The following CHN2 variants were observed in gnomAD, a reference collection of about 807,000 sequenced individuals.
CHN2 encodes beta-chimaerin.
A neutral mutation model predicts 56.3 loss-of-function variants in CHN2; 35 were observed. That is an observed-to-expected ratio of 0.62 (90% CI 0.47 to 0.82). The LOEUF (loss-of-function observed/expected upper bound fraction) is 0.82. CHN2 is among the 40% of genes least tolerant of loss of function. The pLI, the probability that CHN2 is intolerant of heterozygous loss-of-function variation, is 0.00. For missense variants in CHN2, 491 were observed against 580.5 expected (o/e 0.85, Z 1.58); for synonymous variants, 210 against 212.8 (o/e 0.99, Z 0.12).
intron 1 of CHN2, among the ~76,000 whole-genome samples, chr7:29,343,549 G>T (rs142907397): frequency 1.6e-3 from 243 of 152,222 alleles, no homozygotes; most frequent in African/African-American, 5.6e-3. Flanking sequence ...CCCCCATGTT[G>T]CTGCAGCAAC....
chr7:29,276,713 C>T (rs1791247947), intron 1 of CHN2, among the ~76,000 whole-genome samples: 1 of 152,212 alleles, frequency 6.6e-6, no homozygotes, highest in African/African-American at 2.4e-5. Flanking sequence ...CTAGCTGCTT[C>T]CTGGATTTTC....
At chr7:29,311,619 A>G (rs1344454613) in intron 1 of CHN2, among the ~76,000 whole-genome samples, 1 of 152,240 alleles carries the variant, frequency 6.6e-6, no homozygotes, top group Non-Finnish European at 1.5e-5. Context: ...TATGCTGAGC[A>G]TATATATCTG....
chr7:29,481,480 C>T (rs1562643471), intron 7 of CHN2, among the ~76,000 whole-genome samples: 1 of 152,112 alleles, frequency 6.6e-6, no homozygotes, highest in South Asian at 2.1e-4. Flanking sequence ...TTTAGAAAGC[C>T]AGCAGCTCAG....
At chr7:29,290,580 G>C (rs1792517665) in intron 1 of CHN2, among the ~76,000 whole-genome samples, 2 of 152,204 alleles carry the variant, frequency 1.3e-5, no homozygotes, top group South Asian at 4.1e-4. Flanking sequence ...ATTCCCGTGA[G>C]ACTTGTGTGC....
In CHN2 at chr7:29,507,324, T is replaced by A; in HGVS notation, c.1088T>A (p.Val363Asp). 6.2e-7 allele frequency: 1 copy of A among 1,613,102 alleles called. No homozygotes were observed. The highest frequency in any genetic ancestry group is 8.5e-7 in the Non-Finnish European group (1 of 1,179,168). Residue 363 changes from valine to aspartate, a missense_variant, in exon 11 of 13, where the codon GTC (valine) becomes GAC (aspartate). By Grantham distance (152) the Val-to-Asp change is radical. Transcript: ENST00000222792. ...KLYFRDLPIP[V>D]ITYDTYSKFI... Reference sequence around the variant, plus strand: ...TATTTCAGAGACTTACCCATCCCTGTCATCACATATGATACCTATTCCAAA... The same window carrying A: ...TATTTCAGAGACTTACCCATCCCTGACATCACATATGATACCTATTCCAAA...
intron 1 of CHN2, among the ~76,000 whole-genome samples, chr7:29,329,018 C>T (rs1796011518): frequency 6.6e-6 from 1 of 152,160 alleles, no homozygotes; most frequent in Non-Finnish European, 1.5e-5. Flanking sequence ...GAATCATGCT[C>T]ATACTTAAAA....
At chr7:29,406,268 C>A (rs1802642824) in intron 6 of CHN2, among the ~76,000 whole-genome samples, 1 of 152,064 alleles carries the variant, frequency 6.6e-6, no homozygotes, top group Non-Finnish European at 1.5e-5. Flanking sequence ...AGAAGCTGGG[C>A]AGGTAAATAG....
Position 29,374,941 on chromosome 7 carries a change from G to A in CHN2, c.144+6954G>A, listed in dbSNP as rs545954022. On this transcript the variant is annotated intron_variant, in intron 3 of 12. Transcript: ENST00000222792. The stretch of plus-strand genomic sequence containing the variant: ...CGCTCTCGTTGGCCCAGGCTGGAGT[G>A]CAATGGCGCGATCTTGGCTCACCGC... Among the ~76,000 whole-genome samples the A allele has an allele frequency of 2.1e-4, 32 of 149,492 alleles. No homozygotes were observed. In the South Asian group the frequency reaches 6.9e-3, roughly 32 times the overall value.
rs111607564 is a variant in CHN2 at position 29,233,193 on chromosome 7, A to G, written c.49+38203A>G. On this transcript the variant is annotated intron_variant, in intron 1 of 12. Coordinates refer to ENST00000222792, the MANE Select transcript of CHN2 (RefSeq NM_004067.4). ...AGGAAACACAGGTTCTTTGTGCCTC[A>G]TTTCCTTTTCTCTATAATAGTGATA... Among the ~76,000 whole-genome samples the G allele has an allele frequency of 8.9e-3, 1,348 of 152,266 alleles. 19 individuals are homozygous for G. Among genetic ancestry groups the G allele is most frequent in the African/African-American group, 0.031 (1,273 of 41,544 alleles).
chr7:29,475,167 C>G (rs1477277628), intron 6 of CHN2, among the ~76,000 whole-genome samples: 3 of 151,866 alleles, frequency 2.0e-5, no homozygotes, highest in African/African-American at 7.3e-5. Context: ...ATCCAGGATC[C>G]TAATTGTAGA....
At chr7:29,449,661 T>C (rs1462174362) in intron 6 of CHN2, among the ~76,000 whole-genome samples, 5 of 152,246 alleles carry the variant, frequency 3.3e-5, no homozygotes, top group African/African-American at 9.6e-5. Flanking sequence ...TTCTGTAGTA[T>C]GTTGAGCACA....
At chr7:29,186,089 T>G (rs1488943325) in intron 2 of CHN2, among the ~76,000 whole-genome samples, 1 of 152,062 alleles carries the variant, frequency 6.6e-6, no homozygotes, top group East Asian at 1.9e-4. Flanking sequence ...AGGATGGAGT[T>G]TTTGATTAGG....
chr7:29,208,515 C>G (rs1464811913), intron 1 of CHN2, among the ~76,000 whole-genome samples: 2 of 152,188 alleles, frequency 1.3e-5, no homozygotes, highest in Non-Finnish European at 2.9e-5. Context: ...CCTATGACAG[C>G]AGCACACGTG....
At chr7:29,377,581 T>G (rs1334570473) in intron 3 of CHN2, among the ~76,000 whole-genome samples, 1 of 152,226 alleles carries the variant, frequency 6.6e-6, no homozygotes, top group Non-Finnish European at 1.5e-5. Context: ...TCTGTGTGCT[T>G]AATGAGCATT....
chr7:29,484,736 C>T (rs752411647), intron 7 of CHN2, among the ~76,000 whole-genome samples: 13 of 152,128 alleles, frequency 8.5e-5, no homozygotes, highest in Non-Finnish European at 1.0e-4. Flanking sequence ...GGGGGATATA[C>T]GATGCAACCC....
At chr7:29,401,117 A>T (rs1175805912) in intron 6 of CHN2, 2 of 314,400 alleles carry the variant, frequency 6.4e-6, no homozygotes, top group Non-Finnish European at 1.2e-5. Flanking sequence ...AAATACAAAA[A>T]ATCAGCCGGG....
intron 2 of CHN2, among the ~76,000 whole-genome samples, chr7:29,362,318 C>G (rs538193435): frequency 7.6e-4 from 115 of 152,270 alleles, no homozygotes; most frequent in South Asian, 3.9e-3. Flanking sequence ...AACCCCGCTA[C>G]CTTATTAGTG....
chr7:29,403,590 AT>A (rs1398948057), intron 6 of CHN2, among the ~76,000 whole-genome samples: 2 of 151,996 alleles, frequency 1.3e-5, no homozygotes, highest in African/African-American at 4.8e-5. Context: ...TGGCTCCCAG[AT>A]TTCTCTCCAG....
chr7:29,507,198 T>A (rs759895442), intron 10 of CHN2, 30 bp from the exon 11 acceptor site: 2 of 1,582,882 alleles, frequency 1.3e-6, no homozygotes, highest in Non-Finnish European at 8.6e-7. Flanking sequence ...AAGGTCCTAA[T>A]TAGGACTTGG....
Sources: gnomAD v4.1 joint callset for allele counts (sites outside exome capture counted in the v4.1 genomes callset) on GRCh38, gnomAD v4.1.1 for gene constraint, MANE v1.5 for transcripts, NCBI Gene and HGNC (gene_info 2026-07-23, HGNC 2026-07-21) for gene names.